The following CAST variants were observed in gnomAD, a reference collection of about 807,000 sequenced individuals.
CAST encodes calpastatin, also known as MIR583 host.
A neutral mutation model predicts 119.6 loss-of-function variants in CAST; 76 were observed. That is an observed-to-expected ratio of 0.64 (90% CI 0.53 to 0.77). The LOEUF (loss-of-function observed/expected upper bound fraction) is 0.77. CAST is among the 30% of genes least tolerant of loss of function. The probability of loss-of-function intolerance (pLI) is 0.00; values close to 1 mark genes in which losing one functional copy is unlikely to be tolerated. For synonymous variants in CAST, 319 were observed against 331.6 expected (o/e 0.96, Z 0.41); for missense variants, 953 against 946.5 (o/e 1.01, Z -0.09).
At chr5:96,648,979 T>C (rs1748058430) in intron 1 of CAST, among the ~76,000 whole-genome samples, 1 of 152,162 alleles carries the variant, frequency 6.6e-6, no homozygotes, top group Admixed American at 6.5e-5. Context: ...TTTTGTTGCA[T>C]AAACAGTCTG....
the CAST span, among the ~76,000 whole-genome samples, chr5:96,047,715 A>G: frequency 6.6e-6 from 1 of 152,310 alleles, no homozygotes; most frequent in Middle Eastern, 3.4e-3. Context: ...GGGAAAACAG[A>G]CACAGTCTCT....
At chr5:96,541,701 A>C (rs1193676597) in intron 1 of CAST, among the ~76,000 whole-genome samples, 1 of 152,216 alleles carries the variant, frequency 6.6e-6, no homozygotes, top group Non-Finnish European at 1.5e-5. Context: ...AGAATGTCAC[A>C]TAATTGAAAT....
At chr5:96,706,580 G>A (rs1379596851) in intron 3 of CAST, among the ~76,000 whole-genome samples, 3 of 152,198 alleles carry the variant, frequency 2.0e-5, no homozygotes, top group Non-Finnish European at 4.4e-5. Context: ...AATGCCAACA[G>A]CTGCAGATCC....
chr5:96,245,910 CTG>C, the CAST span, among the ~76,000 whole-genome samples: 1 of 152,122 alleles, frequency 6.6e-6, no homozygotes, highest in African/African-American at 2.4e-5. Flanking sequence ...AGAATGAACT[CTG>C]TGTGTTCACA....
the CAST span, among the ~76,000 whole-genome samples, chr5:96,492,463 G>C: frequency 6.6e-6 from 1 of 152,070 alleles, no homozygotes; most frequent in Non-Finnish European, 1.5e-5. Flanking sequence ...ACTCATATCA[G>C]CTACTGGGGT....
At chr5:96,641,605 CCTT>C (rs986998557) in intron 1 of CAST, among the ~76,000 whole-genome samples, 5 of 152,178 alleles carry the variant, frequency 3.3e-5, no homozygotes, top group African/African-American at 1.2e-4. Context: ...TCATCTACAG[CCTT>C]CTTCTGCCTT....
chr5:96,412,752 G>GTTTTTTTTTTTTTTTTTTTTTTTTT, the CAST span, among the ~76,000 whole-genome samples: 9 of 71,806 alleles, frequency 1.3e-4, 3 homozygotes, highest in African/African-American at 6.3e-4. Context: ...CAGCTGTGAT[G>GTTTTTTTTTTTTTTTTTTTTTTTTT]TTTTTTTTTT....
At chr5:96,144,032 AAC>A in the CAST span, among the ~76,000 whole-genome samples, 1 of 152,234 alleles carries the variant, frequency 6.6e-6, no homozygotes, top group Non-Finnish European at 1.5e-5. Flanking sequence ...CAAGAAAATG[AAC>A]AATTACTTAA....
chr5:96,167,144 G>A, the CAST span, among the ~76,000 whole-genome samples: 3 of 152,184 alleles, frequency 2.0e-5, no homozygotes, highest in East Asian at 5.8e-4. Context: ...AGAATTGGGA[G>A]GACCCAGGAC....
At chr5:96,399,262 A>C in the CAST span, among the ~76,000 whole-genome samples, 1 of 152,192 alleles carries the variant, frequency 6.6e-6, no homozygotes, top group Non-Finnish European at 1.5e-5. Flanking sequence ...GTGGAGTCAA[A>C]TTCAGGCAGA....
the CAST span, among the ~76,000 whole-genome samples, chr5:96,008,742 T>C: frequency 6.6e-6 from 1 of 152,208 alleles, no homozygotes; most frequent in Non-Finnish European, 1.5e-5. Context: ...ATCATTCTAA[T>C]GAGAAGCTCA....
At chr5:96,746,550 C>T in intron 17 of CAST, 125 bp downstream of exon 17, 5 of 731,080 alleles carry the variant, frequency 6.8e-6, no homozygotes, top group South Asian at 6.4e-5. Context: ...CTCTGAAAAC[C>T]CTGAACCTTT....
At chr5:96,229,943 C>T in the CAST span, among the ~76,000 whole-genome samples, 1 of 152,174 alleles carries the variant, frequency 6.6e-6, no homozygotes, top group Non-Finnish European at 1.5e-5. Flanking sequence ...CCTTCTCCCA[C>T]CTGGACGCAG....
the CAST span, among the ~76,000 whole-genome samples, chr5:95,972,383 C>G: frequency 2.0e-5 from 3 of 151,770 alleles, no homozygotes; most frequent in Admixed American, 1.3e-4. Context: ...GTGTACTTGT[C>G]AGCACTTGGC....
chr5:96,534,327 A>G (rs1241587602), intron 1 of CAST, among the ~76,000 whole-genome samples: 1 of 152,140 alleles, frequency 6.6e-6, no homozygotes, highest in African/African-American at 2.4e-5. Flanking sequence ...AACTGCAACT[A>G]TATGATGTCA....
At chr5:96,055,105 C>T in the CAST span, among the ~76,000 whole-genome samples, 62 of 152,022 alleles carry the variant, frequency 4.1e-4, no homozygotes, top group African/African-American at 1.5e-3. Flanking sequence ...GCCTCTAAAC[C>T]CAGAATCTTG....
intron 1 of CAST, among the ~76,000 whole-genome samples, chr5:96,585,903 G>A (rs547337129): frequency 6.6e-6 from 1 of 152,358 alleles, no homozygotes; most frequent in East Asian, 1.9e-4. Context: ...TTAGACACGA[G>A]TTGGTGAAAC....
At chr5:96,146,260 C>T in the CAST span, among the ~76,000 whole-genome samples, 3 of 152,128 alleles carry the variant, frequency 2.0e-5, no homozygotes, top group Admixed American at 6.5e-5. Context: ...GTCTGCTGAC[C>T]GCATGTGATA....
chr5:96,555,497 G>A (rs879771297), intron 1 of CAST, among the ~76,000 whole-genome samples: 4 of 152,134 alleles, frequency 2.6e-5, no homozygotes, highest in East Asian at 1.9e-4. Flanking sequence ...GGCGACAGAC[G>A]GCACCTAGGA....
Sources: allele counts gnomAD v4.1 joint callset (sites outside exome capture counted in the v4.1 genomes callset), GRCh38; gene constraint gnomAD v4.1.1; transcripts MANE v1.5; gene names NCBI Gene and HGNC (gene_info 2026-07-23, HGNC 2026-07-21).